The following TEKT3 variants were observed in gnomAD, a reference collection of about 807,000 sequenced individuals.
The protein encoded by TEKT3 is tektin-3.
In TEKT3, 49 loss-of-function variants were observed where a neutral mutation model predicts 49.8. The observed-to-expected ratio is 0.98, with a 90% CI of 0.78 to 1.25. TEKT3 has a LOEUF of 1.25. Ranked by LOEUF, TEKT3 falls within the 50% of genes most tolerant of loss-of-function variation. The probability of loss-of-function intolerance (pLI) is 0.00; values close to 1 mark genes in which losing one functional copy is unlikely to be tolerated. For missense variants in TEKT3, 595 were observed against 629.5 expected (o/e 0.95, Z 0.59); for synonymous variants, 225 against 237.2 (o/e 0.95, Z 0.47).
At chr17:15,305,316 T>A (rs1013388886) in intron 8 of TEKT3, among the ~76,000 whole-genome samples, 1 of 152,184 alleles carries the variant, frequency 6.6e-6, no homozygotes, top group Non-Finnish European at 1.5e-5. Flanking sequence ...ATATCCACGC[T>A]GTGCAACACC....
rs778636490 is a variant in TEKT3 at position 15,304,121 on chromosome 17, T to G, written c.1288A>C (p.Thr430Pro). Residue 430 changes from threonine to proline, a missense_variant, in exon 9 of 9, where the codon ACC becomes CCC. By Grantham distance (38) the Thr-to-Pro change is conservative (BLOSUM62 -1). Transcript: ENST00000395930. This position sits in a 1 kb window ranked among gnomAD's most constrained non-coding sequence, Gnocchi z 4.7. The stretch of plus-strand genomic sequence containing the variant: ...AGGCGCTGCTGCAGGGTCTGGATGG[T>G]GTCGTCAACCTCGTGTACCTCGTTA... ...LVNEVHEVDDTIQTLQQRLRD... is the reference protein window; with the variant it reads ...LVNEVHEVDDPIQTLQQRLRD... 6 of 1,614,056 alleles carry G rather than the reference T, an allele frequency of 3.7e-6. No homozygotes were observed. The highest frequency in any genetic ancestry group is 5.1e-6 in the Non-Finnish European group (6 of 1,180,034).
At chr17:15,327,465 G>A (rs184058334) in intron 4 of TEKT3, among the ~76,000 whole-genome samples, 245 of 151,724 alleles carry the variant, frequency 1.6e-3, no homozygotes, top group African/African-American at 1.8e-3. Context: ...GCAGTGAGCC[G>A]AGATTGTGCC....
chr17:15,315,421 CG>C (rs1206616798), intron 5 of TEKT3, among the ~76,000 whole-genome samples: 7 of 151,926 alleles, frequency 4.6e-5, no homozygotes, highest in Non-Finnish European at 7.4e-5. Context: ...AACAGACTGC[CG>C]GGGGCAGGAA....
At chr17:15,315,841 TG>T (rs1910981760) in intron 5 of TEKT3, among the ~76,000 whole-genome samples, 1 of 152,312 alleles carries the variant, frequency 6.6e-6, no homozygotes, top group South Asian at 2.1e-4. Context: ...GTAGGATAGC[TG>T]AATGAGCTTG....
chr17:15,334,412 C>T (rs554265307), intron 2 of TEKT3, among the ~76,000 whole-genome samples: 3 of 152,182 alleles, frequency 2.0e-5, no homozygotes, highest in Admixed American at 6.5e-5. Context: ...ATCCTTCAAC[C>T]ATGGAATTTC....
intron 3 of TEKT3, among the ~76,000 whole-genome samples, chr17:15,329,403 C>T (rs1253134013): frequency 6.6e-6 from 1 of 152,138 alleles, no homozygotes; most frequent in Non-Finnish European, 1.5e-5. Flanking sequence ...TGAAAGTAGT[C>T]ATCACTGAAA....
chr17:15,341,614 T>G (rs1912236929), upstream of TEKT3: 1 of 152,246 alleles, frequency 6.6e-6, no homozygotes, highest in African/African-American at 2.4e-5. Flanking sequence ...CAGACCAGTC[T>G]GGCCCTGGCC....
At chr17:15,327,546 G>C (rs145280701) in intron 4 of TEKT3, among the ~76,000 whole-genome samples, 52 of 151,988 alleles carry the variant, frequency 3.4e-4, no homozygotes, top group Admixed American at 5.9e-4. Context: ...TAATGATATG[G>C]TAAAAATTAC....
chr17:15,343,631 A>C (rs1225722594), upstream of TEKT3, among the ~76,000 whole-genome samples: 1 of 152,248 alleles, frequency 6.6e-6, no homozygotes, highest in Admixed American at 6.5e-5. Context: ...TGTTAAATGA[A>C]AGCATGAAGT....
At chr17:15,306,057 A>C (rs1910532088) in intron 8 of TEKT3, among the ~76,000 whole-genome samples, 1 of 151,138 alleles carries the variant, frequency 6.6e-6, no homozygotes, top group African/African-American at 2.4e-5. Context: ...GCATTCAAAT[A>C]CAAATAAAGC....
rs773354751 is a variant in TEKT3 at position 15,319,149 on chromosome 17, T to C, written c.664-2A>G. On this transcript the variant is annotated splice_acceptor_variant, in intron 4 of 8. Coordinates refer to ENST00000395930, the MANE Select transcript of TEKT3 (RefSeq NM_031898.3). LOFTEE classifies it high-confidence loss of function. ...ACAACACAGAATAGTATCAACTTCC[T>C]ACTCAATTGGAAAAAAAACATATTA... The C allele has an allele frequency of 1.9e-6, 3 of 1,601,320 alleles. No individual in the cohort carries two copies. The Admixed American group carries it at 5.2e-5, about 28-fold the overall frequency.
Position 15,319,024 on chromosome 17 carries a change from A to G in TEKT3, c.734+53T>C, listed in dbSNP as rs940854673. 64 of 1,417,976 alleles carry G rather than the reference A, an allele frequency of 4.5e-5. No individual in the cohort carries two copies. In the African/African-American group the frequency reaches 8.6e-4, roughly 19 times the overall value. 87.8% of individuals were successfully genotyped at this position (1,417,976 alleles called of 1,614,324 possible). The stretch of plus-strand genomic sequence containing the variant: ...AAGAGAAATTTCAATGAGGAGCATG[A>G]AAGTATAGTTCAATGATAGATTTTG... On this transcript the variant is annotated intron_variant, in intron 5 of 8. Coordinates refer to ENST00000395930, the MANE Select transcript of TEKT3 (RefSeq NM_031898.3).
At chr17:15,312,120 G>T in intron 7 of TEKT3, 139 bp downstream of exon 7, 1 of 736,796 alleles carries the variant, frequency 1.4e-6, no homozygotes, top group Non-Finnish European at 2.2e-6. Flanking sequence ...GCTTTGTGCT[G>T]TTTTAAATTT....
chr17:15,331,472 G>A lies in TEKT3; in HGVS notation c.114C>T (p.Pro38=). Residue 38 remains proline, a synonymous_variant, in exon 3 of 9, where the codon CCC becomes CCT. Transcript: ENST00000395930. The part of the protein sequence containing the change: ...TMASSYRDRF[P]HSNLTHSLSL... ...TCAGGCTATGGGTCAAATTGGAGTG[G>A]GGAAAGCGGTCCCTGTAGCTTGAGG... 1 of 1,614,086 alleles carries A rather than the reference G, an allele frequency of 6.2e-7. No homozygotes were observed. Among genetic ancestry groups the A allele is most frequent in the Non-Finnish European group, 8.5e-7 (1 of 1,180,028 alleles).
At chr17:15,327,628 T>G in intron 4 of TEKT3, 1 of 209,668 alleles carries the variant, frequency 4.8e-6, no homozygotes, top group Non-Finnish European at 9.7e-6. Context: ...TGGAGACATA[T>G]CTGAGCATCA....
At chr17:15,329,851 T>G (rs909775384) in intron 3 of TEKT3, among the ~76,000 whole-genome samples, 4 of 152,190 alleles carry the variant, frequency 2.6e-5, no homozygotes, top group African/African-American at 9.7e-5. Flanking sequence ...CATGCAAACA[T>G]GAGGAAAAAT....
At chr17:15,322,627 G>C (rs1054299378) in intron 4 of TEKT3, among the ~76,000 whole-genome samples, 1 of 152,132 alleles carries the variant, frequency 6.6e-6, no homozygotes, top group African/African-American at 2.4e-5. Context: ...GTTAAACCCA[G>C]ACCCTGCTCC....
intron 3 of TEKT3, among the ~76,000 whole-genome samples, chr17:15,329,517 T>C (rs1911629376): frequency 1.3e-5 from 2 of 152,268 alleles, no homozygotes; most frequent in East Asian, 3.8e-4. Context: ...TAGGAAGAAC[T>C]GTAGAATAAA....
chr17:15,313,729 G>A (rs1910867564), intron 6 of TEKT3, among the ~76,000 whole-genome samples: 1 of 151,948 alleles, frequency 6.6e-6, no homozygotes, highest in Non-Finnish European at 1.5e-5. Context: ...GGCTGGTCTC[G>A]AACTCCTGAC....
Sources: gnomAD v4.1 joint callset for allele counts (sites outside exome capture counted in the v4.1 genomes callset) on GRCh38, gnomAD v4.1.1 for gene constraint, Gnocchi (gnomAD v3.1) non-coding constraint, MANE v1.5 for transcripts, NCBI Gene and HGNC (gene_info 2026-07-23, HGNC 2026-07-21) for gene names.